Variants in CNTNAP3 observed in about 807,000 individuals in gnomAD.
The protein encoded by CNTNAP3 is contactin-associated protein-like 3.
Under a neutral mutation model 92.1 loss-of-function variants are expected in CNTNAP3, and 36 were observed. The observed-to-expected ratio is 0.39, with a 90% CI of 0.30 to 0.52. CNTNAP3 has a LOEUF of 0.52. Ranked by LOEUF, CNTNAP3 falls within the 20% of genes least tolerant of loss-of-function variation. The pLI is 0.76. For missense variants in CNTNAP3, 534 were observed against 1,069.6 expected, an observed-to-expected ratio of 0.50 and a Z score of 6.98; for synonymous variants, 232 against 422.3, an observed-to-expected ratio of 0.55 and a Z score of 5.53.
chr9:39,140,526 A>G lies in CNTNAP3; in HGVS notation c.1869T>C (p.Asn623=). The G allele has an allele frequency of 6.2e-7, 1 of 1,613,702 alleles. No individual in the cohort carries two copies. The highest frequency in any genetic ancestry group is 8.5e-7 in the Non-Finnish European group (1 of 1,179,766). ...GPLGPFLVYC[N]MTADAAWTVV... is the part of the protein sequence containing the mutation. Reference sequence around the variant, plus strand: ...TAACGATTATCAACATACCTGTCATATTGCAGTACACAAGAAATGGTCCCA... The same window carrying G: ...TAACGATTATCAACATACCTGTCATGTTGCAGTACACAAGAAATGGTCCCA... The change falls in exon 12 of 24, where the codon AAT becomes AAC. Residue 623 remains asparagine, a synonymous_variant. Transcript: ENST00000297668.
In CNTNAP3 at chr9:39,114,679, CAG is replaced by C. The variant is rs1379128116; in HGVS notation, c.2237+3422_2237+3423del. Among the ~76,000 whole-genome samples, 3 of 152,032 alleles carry C rather than the reference CAG, an allele frequency of 2.0e-5. No homozygotes were observed. The East Asian group carries it at 5.8e-4, about 29-fold the overall frequency. On this transcript the variant is annotated intron_variant, in intron 14 of 23. Coordinates refer to ENST00000297668, the MANE Select transcript of CNTNAP3 (RefSeq NM_033655.5). ...ATCTAATGTCTGGTTTTTAAATGAA[CAG>C]AGTTTACTCATATTTATTATGATTA...
chr9:39,106,412 T>G (rs1337491332), intron 15 of CNTNAP3: 17 of 152,136 alleles, frequency 1.1e-4, no homozygotes, highest in African/African-American at 4.1e-4. Flanking sequence ...CACCTAAGCC[T>G]TCCTAGTTGC....
rs373114591 is a variant in CNTNAP3, at chr9:39,102,618, G to T, written c.2634C>A (p.His878Gln). ...PTPFNDNQWH[H>Q]VRAERNVKGA... ...CTTTAACATTTCTCTCTGCCCTCAC[G>T]TGGTGCCACTGATTGTCATTAAAGG... Residue 878 changes from histidine (H) to glutamine (Q), a missense_variant, in exon 17 of 24, where the codon CAC becomes CAA. Coordinates refer to ENST00000297668, the MANE Select transcript of CNTNAP3 (RefSeq NM_033655.5). 9.3e-6 allele frequency: 13 copies of T among 1,396,088 alleles called. No homozygotes were observed. The Admixed American group carries it at 2.0e-4, about 22-fold the overall frequency. The allele number at this position is 1,396,088 out of a possible 1,614,324, so 86.5% of individuals were successfully genotyped here.
chr9:39,132,891 CG>C lies in CNTNAP3; in HGVS notation c.2080+40del, dbSNP rs756175358. On this transcript the variant is annotated intron_variant, in intron 13 of 23. Transcript: ENST00000297668. ...ATCTCGCAGCCCGAGGGCCGCGCCC[CG>C]GCCCCGTGAACCCCTGTAGCCTCCA... The C allele has an allele frequency of 3.8e-5, 58 of 1,511,750 alleles. No homozygotes were observed. The East Asian group carries it at 8.5e-4, about 22-fold the overall frequency. 93.6% of individuals were successfully genotyped at this position (1,511,750 alleles called of 1,614,324 possible).
chr9:39,087,687 T>A (rs567412945), intron 19 of CNTNAP3, among the ~76,000 whole-genome samples: 2 of 148,454 alleles, frequency 1.3e-5, no homozygotes, highest in African/African-American at 4.9e-5. Context: ...GGGGTTTCAC[T>A]GTGTTAGCCA....
At chr9:39,130,651 C>G (rs1244655732) in intron 13 of CNTNAP3, among the ~76,000 whole-genome samples, 1 of 151,994 alleles carries the variant, frequency 6.6e-6, no homozygotes, top group Non-Finnish European at 1.5e-5. Flanking sequence ...ACTACAGGCA[C>G]CTGCCACCAA....
intron 18 of CNTNAP3, among the ~76,000 whole-genome samples, chr9:39,091,099 T>C (rs1176413899): frequency 1.3e-5 from 2 of 152,186 alleles, no homozygotes; most frequent in African/African-American, 4.8e-5. Context: ...GGGATTTTTT[T>C]ATATAAAAAA....
At chr9:39,113,449 T>A (rs1820759171) in intron 14 of CNTNAP3, among the ~76,000 whole-genome samples, 1 of 152,190 alleles carries the variant, frequency 6.6e-6, no homozygotes, top group Admixed American at 6.5e-5. Context: ...GAAATTCAAG[T>A]AATTCCTCAA....
chr9:39,081,342 C>G (rs938602982), intron 21 of CNTNAP3, among the ~76,000 whole-genome samples: 2 of 151,990 alleles, frequency 1.3e-5, no homozygotes, highest in African/African-American at 4.8e-5. Flanking sequence ...TTTTGCTTCT[C>G]TTAGCTGAAT....
At chr9:39,117,969 C>A in intron 14 of CNTNAP3, 134 bp downstream of exon 14, 1 of 1,527,294 alleles carries the variant, frequency 6.5e-7, no homozygotes, top group East Asian at 2.3e-5. Context: ...CATATTTCAT[C>A]AAAACTTGTA....
chr9:39,081,258 C>G (rs1429498879), intron 21 of CNTNAP3, among the ~76,000 whole-genome samples: 1 of 151,298 alleles, frequency 6.6e-6, no homozygotes, highest in Admixed American at 6.6e-5. Context: ...GAACTCAACT[C>G]TTAACTGTGG....
intron 13 of CNTNAP3, among the ~76,000 whole-genome samples, chr9:39,126,508 C>T (rs1269105846): frequency 1.3e-5 from 2 of 152,114 alleles, no homozygotes; most frequent in Non-Finnish European, 2.9e-5. Flanking sequence ...AAACTGCAAA[C>T]AAATATCTCT....
At chr9:39,280,168 C>T (rs567582269) in intron 1 of CNTNAP3, among the ~76,000 whole-genome samples, 7,107 of 93,462 alleles carry the variant, frequency 0.076, 545 homozygotes, top group Non-Finnish European at 0.12. Context: ...CACATTCTAC[C>T]GGCTTCCTGA....
chr9:39,074,950 A>T (rs1409886641), intron 23 of CNTNAP3, among the ~76,000 whole-genome samples: 1 of 152,272 alleles, frequency 6.6e-6, no homozygotes, highest in African/African-American at 2.4e-5. Flanking sequence ...TTGCATTTTT[A>T]GTAGAGACGG....
At chr9:39,143,904 G>T (rs914580) in intron 11 of CNTNAP3, among the ~76,000 whole-genome samples, 2 of 152,292 alleles carry the variant, frequency 1.3e-5, no homozygotes, top group East Asian at 1.9e-4. Context: ...AGAATTAAAA[G>T]TATGGTCCAA....
chr9:39,086,703 T>C lies in CNTNAP3; in HGVS notation c.3354+13A>G. 6.2e-7 allele frequency: 1 copy of C among 1,608,418 alleles called. No individual in the cohort carries two copies. Among genetic ancestry groups the C allele is most frequent in the Non-Finnish European group, 8.5e-7 (1 of 1,178,744 alleles). On this transcript the variant is annotated intron_variant, in intron 20 of 23. Coordinates refer to ENST00000297668, the MANE Select transcript of CNTNAP3 (RefSeq NM_033655.5). ...AATATTAGTTAGTTTGACTTTTGCA[T>C]TTGTGGGATTACCTCTACCATGACC...
At chr9:39,076,670 T>G (rs999839918) in intron 23 of CNTNAP3, among the ~76,000 whole-genome samples, 1 of 152,306 alleles carries the variant, frequency 6.6e-6, no homozygotes, top group African/African-American at 2.4e-5. Flanking sequence ...AGAATACAAT[T>G]AAGATTTCAA....
intron 18 of CNTNAP3, among the ~76,000 whole-genome samples, chr9:39,091,168 C>CTTTTTTTTTTTTTT (rs1319060417): frequency 7.6e-5 from 9 of 117,940 alleles, no homozygotes; most frequent in East Asian, 2.4e-4. Context: ...TGTTTTTCTT[C>CTTTTTTTTTTTTTT]TTCTTTTTTT....
intron 18 of CNTNAP3, among the ~76,000 whole-genome samples, chr9:39,095,367 T>C (rs1161588622): frequency 6.6e-6 from 1 of 151,644 alleles, no homozygotes; most frequent in Non-Finnish European, 1.5e-5. Flanking sequence ...CTATGATAAA[T>C]AGAGGTGGTA....
Sources: gnomAD v4.1 joint callset for allele counts (sites outside exome capture counted in the v4.1 genomes callset) on GRCh38, gnomAD v4.1.1 for gene constraint, MANE v1.5 for transcripts, NCBI Gene and HGNC (gene_info 2026-07-23, HGNC 2026-07-21) for gene names.